The following ATG12 variants were observed in gnomAD, a reference collection of about 807,000 sequenced individuals.
ATG12 encodes ubiquitin-like protein ATG12.
ATG12 carries 19 observed loss-of-function variants against 17.6 expected under a neutral mutation model. The observed-to-expected ratio is 1.08, with a 90% CI of 0.75 to 1.58. The LOEUF is 1.58. ATG12 is among the 40% of genes most tolerant of loss of function. The probability of loss-of-function intolerance (pLI) is 0.00; values close to 1 mark genes in which losing one functional copy is unlikely to be tolerated. For synonymous variants in ATG12, 75 were observed against 62.4 expected (o/e 1.20, Z -0.95); for missense variants, 214 against 162.0 (o/e 1.32, Z -1.74).
In ATG12 at chr5:115,828,590, T is replaced by C. The variant is rs1760731723; in HGVS notation, c.*3214A>G. The C allele has an allele frequency of 6.6e-6, 1 of 152,210 alleles. No homozygotes were observed. The highest frequency in any genetic ancestry group is 2.1e-4 in the South Asian group (1 of 4,834). The allele number at this position is 152,210 out of a possible 1,614,324, so 9.4% of individuals were successfully genotyped here. ...CTTACCAATTGAAACAAATTCTTCA[T>C]ATACTTAAGACATTAAAAACACTGT... is the stretch of plus-strand genomic sequence containing the variant. On this transcript the variant is annotated 3_prime_UTR_variant, in exon 4 of 4. Coordinates refer to ENST00000509910, the MANE Select transcript of ATG12 (RefSeq NM_004707.4).
chr5:115,835,022 A>AT (rs545172859), intron 2 of ATG12: 54 of 151,500 alleles, frequency 3.6e-4, no homozygotes, highest in African/African-American at 1.3e-3. Flanking sequence ...TTCATCTTCT[A>AT]TTTTTCTTAA....
At chr5:115,836,766 T>A (rs57633641) in intron 2 of ATG12, among the ~76,000 whole-genome samples, 32,706 of 152,184 alleles carry the variant, frequency 0.21, 3,885 homozygotes, top group Admixed American at 0.36. Context: ...GATAAAGGTG[T>A]CTCATACATA....
At chr5:115,834,329 T>C (rs947131339) in intron 2 of ATG12, 1 of 152,220 alleles carries the variant, frequency 6.6e-6, no homozygotes, top group Non-Finnish European at 1.5e-5. Flanking sequence ...GACATAAATC[T>C]GTTTGCATAC....
intron 2 of ATG12, among the ~76,000 whole-genome samples, chr5:115,835,751 A>T (rs2112724353): frequency 6.6e-6 from 1 of 152,208 alleles, no homozygotes; most frequent in African/African-American, 2.4e-5. Flanking sequence ...TTGAGGTTCT[A>T]CTTTTCTCAG....
At chr5:115,840,847 G>A (rs1580580449) in intron 1 of ATG12, 1 of 1,261,070 alleles carries the variant, frequency 7.9e-7, no homozygotes, top group East Asian at 5.7e-5. Context: ...TCTTAAAAAG[G>A]TAACATCTAT....
In ATG12 at chr5:115,828,734, A is replaced by T. The variant is rs989723118; in HGVS notation, c.*3070T>A. Reference sequence around the variant, plus strand: ...CACAATTTCATTCACTCGATGTGTTACATTACTAATTATTTACATATAAGG... The same window carrying T: ...CACAATTTCATTCACTCGATGTGTTTCATTACTAATTATTTACATATAAGG... On this transcript the variant is annotated 3_prime_UTR_variant, in exon 4 of 4. Transcript: ENST00000509910. 2 of 152,212 alleles carry T rather than the reference A, an allele frequency of 1.3e-5. No individual in the cohort carries two copies. The highest frequency in any genetic ancestry group is 2.4e-5 in the African/African-American group (1 of 41,474). 9.4% of individuals were successfully genotyped at this position (152,212 alleles called of 1,614,324 possible).
rs779859813 is a variant in ATG12, at chr5:115,837,760, G to C, written c.168C>G (p.Asp56Glu). ...TGTCTCCCACAGCCTTTAGCAAAAT[G>C]TCAACTGTAAAAGAAGAATAAAATT... ...EPAGDTKKKI[D>E]ILLKAVGDTP... The change falls in exon 2 of 4, where the codon GAC becomes GAG. Residue 56 changes from aspartate to glutamate, a missense_variant. Transcript: ENST00000509910. 1 of 1,596,028 alleles carries C rather than the reference G, an allele frequency of 6.3e-7. No individual in the cohort carries two copies. The highest frequency in any genetic ancestry group is 8.5e-7 in the Non-Finnish European group (1 of 1,174,976).
chr5:115,837,344 G>C (rs1236834727), intron 2 of ATG12, among the ~76,000 whole-genome samples: 1 of 151,984 alleles, frequency 6.6e-6, no homozygotes, highest in East Asian at 1.9e-4. Flanking sequence ...AGCCAGGCTT[G>C]GTGGTGCACT....
intron 2 of ATG12, chr5:115,835,147 T>C (rs1174995737): frequency 6.6e-6 from 1 of 152,172 alleles, no homozygotes; most frequent in Non-Finnish European, 1.5e-5. Flanking sequence ...ATGCTGATCG[T>C]TTTTCTTTCA....
Position 115,830,586 on chromosome 5 carries a change from C to T in ATG12, c.*1218G>A, listed in dbSNP as rs1377578322. Reference sequence around the variant, plus strand: ...TGAGATGGGGTCTCACTCTGTTGCTCAGCAGGAATGCAGTGGTACAATCAC... The same window carrying T: ...TGAGATGGGGTCTCACTCTGTTGCTTAGCAGGAATGCAGTGGTACAATCAC... On this transcript the variant is annotated 3_prime_UTR_variant, in exon 4 of 4. Coordinates refer to ENST00000509910, the MANE Select transcript of ATG12 (RefSeq NM_004707.4). 6.6e-6 allele frequency: 1 copy of T among 152,058 alleles called. No individual in the cohort carries two copies. The highest frequency in any genetic ancestry group is 1.5e-5 in the Non-Finnish European group (1 of 68,012). The allele number at this position is 152,058 out of a possible 1,614,324, so 9.4% of individuals were successfully genotyped here.
At chr5:115,837,374 C>G (rs918844332) in intron 2 of ATG12, among the ~76,000 whole-genome samples, 19 of 151,668 alleles carry the variant, frequency 1.3e-4, no homozygotes, top group African/African-American at 4.4e-4. Flanking sequence ...ATCCTGGCTA[C>G]TAGGGTGGCT....
At chr5:115,836,638 T>C (rs917561598) in intron 2 of ATG12, among the ~76,000 whole-genome samples, 2 of 152,180 alleles carry the variant, frequency 1.3e-5, no homozygotes, top group Non-Finnish European at 2.9e-5. Flanking sequence ...AAGCAAATAT[T>C]TCCCCCAGTG....
In ATG12 at chr5:115,841,472, T is replaced by A; in HGVS notation, c.81A>T (p.Pro27=). The A allele has an allele frequency of 6.2e-7, 1 of 1,611,498 alleles. No individual in the cohort carries two copies. Among genetic ancestry groups the A allele is most frequent in the Non-Finnish European group, 8.5e-7 (1 of 1,179,344 alleles). ...AGGEGLTDVS[P]ETTTPEPPSS... is the part of the protein sequence containing the mutation. ...ACGGGGGCTCCGGGGTGGTTGTTTCTGGGGAGACATCCGTAAGTCCTTCCC... is the reference window on the plus strand; with the variant it reads ...ACGGGGGCTCCGGGGTGGTTGTTTCAGGGGAGACATCCGTAAGTCCTTCCC... The change falls in exon 1 of 4, where the codon CCA becomes CCT. Residue 27 remains proline, a synonymous_variant. Transcript: ENST00000509910.
At chr5:115,835,781 T>C (rs1263444053) in intron 2 of ATG12, among the ~76,000 whole-genome samples, 1 of 152,208 alleles carries the variant, frequency 6.6e-6, no homozygotes, top group East Asian at 1.9e-4. Context: ...ATGCCAACCC[T>C]GTTTCTTACT....
intron 2 of ATG12, 79 bp from the exon 3 acceptor site, chr5:115,832,743 G>A (rs372033654): frequency 1.4e-5 from 19 of 1,323,770 alleles, no homozygotes; most frequent in East Asian, 7.9e-5. Flanking sequence ...CAATCAGCTA[G>A]CTATTTTGTA....
chr5:115,837,513 A>C (rs953150667), intron 2 of ATG12, 115 bp downstream of exon 2: 4 of 1,097,502 alleles, frequency 3.6e-6, no homozygotes, highest in Non-Finnish European at 4.0e-6. Flanking sequence ...ATAAAAGGGC[A>C]TAACAAAAGC....
chr5:115,838,768 A>G (rs1183718169), intron 1 of ATG12: 1 of 152,242 alleles, frequency 6.6e-6, no homozygotes, highest in Non-Finnish European at 1.5e-5. Context: ...TGTCTCTCAG[A>G]CATAAAGTTA....
chr5:115,837,850 T>C, intron 1 of ATG12, 86 bp from the exon 2 acceptor site: 2 of 1,121,506 alleles, frequency 1.8e-6, no homozygotes, highest in South Asian at 1.9e-5. Flanking sequence ...ATCAGAAATA[T>C]TTAATCTACA....
At chr5:115,835,296 G>T (rs960916742) in intron 2 of ATG12, 12 of 152,010 alleles carry the variant, frequency 7.9e-5, no homozygotes, top group African/African-American at 2.7e-4. Flanking sequence ...CGTTTTTCTT[G>T]TAACACTGTA....
Sources: allele counts gnomAD v4.1 joint callset (sites outside exome capture counted in the v4.1 genomes callset), GRCh38; gene constraint gnomAD v4.1.1; transcripts MANE v1.5; gene names NCBI Gene and HGNC (gene_info 2026-07-23, HGNC 2026-07-21).